Variants in DGKH observed in about 807,000 individuals in gnomAD.
DGKH encodes the protein DAG kinase eta.
Under a neutral mutation model 159.3 loss-of-function variants are expected in DGKH, and 90 were observed. The ratio of observed to expected loss-of-function variants is 0.57; its 90% CI spans 0.48 to 0.67. The LOEUF (loss-of-function observed/expected upper bound fraction) is 0.67. Ranked by LOEUF, DGKH falls within the 30% of genes least tolerant of loss-of-function variation. DGKH has a pLI of 0.00. For synonymous variants in DGKH, 536 were observed against 553.8 expected (o/e 0.97, Z 0.45); for missense variants, 1,181 against 1,506.1 (o/e 0.78, Z 3.57).
intron 25 of DGKH, 38 bp from the exon 26 acceptor site, chr13:42,215,537 A>T: frequency 6.8e-7 from 1 of 1,473,072 alleles, no homozygotes; most frequent in Non-Finnish European, 9.4e-7. Context: ...ATCCTATTTT[A>T]ATACAGATCA....
At chr13:42,128,541 G>A (rs1244484193) in intron 2 of DGKH, among the ~76,000 whole-genome samples, 1 of 152,102 alleles carries the variant, frequency 6.6e-6, no homozygotes, top group African/African-American at 2.4e-5. Flanking sequence ...TTGGGCTCAT[G>A]CTACCATCAC....
chr13:42,112,284 C>CTTTTT (rs58307947), intron 1 of DGKH, among the ~76,000 whole-genome samples: 1,362 of 122,792 alleles, frequency 0.011, 73 homozygotes, highest in Middle Eastern at 0.03. Flanking sequence ...AGCCTTGTGG[C>CTTTTT]TTTTTTTTTT....
chr13:42,254,872 C>T (rs1233202727), intron 30 of DGKH, among the ~76,000 whole-genome samples: 1 of 151,900 alleles, frequency 6.6e-6, no homozygotes, highest in Non-Finnish European at 1.5e-5. Flanking sequence ...AATGATTTTG[C>T]CATCTTTATG....
chr13:42,177,902 G>A (rs1305300272), intron 12 of DGKH, among the ~76,000 whole-genome samples: 5 of 152,030 alleles, frequency 3.3e-5, no homozygotes, highest in African/African-American at 1.2e-4. Flanking sequence ...AAAAAATTTT[G>A]TAAAGGAGTT....
intron 7 of DGKH, among the ~76,000 whole-genome samples, chr13:42,161,462 C>A (rs1014850423): frequency 6.6e-6 from 1 of 151,262 alleles, no homozygotes; most frequent in Non-Finnish European, 1.5e-5. Context: ...TCCTGGCTAA[C>A]ACAGTGAAAC....
chr13:42,118,180 G>A (rs1954999030), intron 1 of DGKH, among the ~76,000 whole-genome samples: 1 of 152,050 alleles, frequency 6.6e-6, no homozygotes, highest in African/African-American at 2.4e-5. Context: ...TCGCACCACT[G>A]CACTCCAGCC....
At chr13:42,256,474 T>C in exon 31 of DGKH, 3 of 1,318,134 alleles carry the variant, frequency 2.3e-6, no homozygotes, top group Non-Finnish European at 3.3e-6. Flanking sequence ...AACTTGGCTA[T>C]CTCACACCAG....
intron 1 of DGKH, chr13:42,070,160 G>T: frequency 2.2e-6 from 2 of 918,072 alleles, no homozygotes; most frequent in Non-Finnish European, 1.8e-6. Flanking sequence ...GGATGGGAGA[G>T]CGCTTCTTCT....
At chr13:42,045,339 T>C (rs573645058), upstream of DGKH, among the ~76,000 whole-genome samples, 1 of 152,328 alleles carries the variant, frequency 6.6e-6, no homozygotes, top group East Asian at 1.9e-4. Flanking sequence ...ATTTGCTTTA[T>C]TTTGAAATGG....
intron 1 of DGKH, among the ~76,000 whole-genome samples, chr13:42,080,305 ATACTTT>A (rs1954175835): frequency 6.6e-6 from 1 of 152,210 alleles, no homozygotes; most frequent in African/African-American, 2.4e-5. Context: ...GATTCACTCT[ATACTTT>A]ATGAGGTGCT....
intron 29 of DGKH, among the ~76,000 whole-genome samples, chr13:42,248,256 T>G (rs1386923799): frequency 6.6e-6 from 1 of 151,944 alleles, no homozygotes; most frequent in Non-Finnish European, 1.5e-5. Context: ...ACCCTGTGTC[T>G]ACCAAAAACA....
rs1485268753 is a variant in DGKH, at chr13:42,152,616, A to G, written c.385-2675A>G. Among the ~76,000 whole-genome samples, 6 of 130,246 alleles carry G rather than the reference A, an allele frequency of 4.6e-5. No individual in the cohort carries two copies. In the East Asian group the frequency reaches 9.9e-4, roughly 21 times the overall value. 85.4% of individuals were successfully genotyped at this position (130,246 alleles called of 152,430 possible). On this transcript the variant is annotated intron_variant, in intron 3 of 29. Coordinates refer to ENST00000337343, the MANE Select transcript of DGKH (RefSeq NM_178009.5). ...AAGTCCTTTGTCATGTCATTTTCCC[A>G]TGGAAGGCAGGGCAGAAGGGCACAG... is the stretch of plus-strand genomic sequence containing the variant.
Position 42,236,199 on chromosome 13 carries a change from TTGTG to T in DGKH, c.*7012_*7015del, listed in dbSNP as rs1382176389. The T allele has an allele frequency of 6.6e-6, 1 of 152,206 alleles. No homozygotes were observed. Among genetic ancestry groups the T allele is most frequent in the Non-Finnish European group, 1.5e-5 (1 of 68,040 alleles). 9.4% of individuals were successfully genotyped at this position (152,206 alleles called of 1,614,324 possible). On this transcript the variant is annotated 3_prime_UTR_variant, in exon 30 of 30. Transcript: ENST00000337343. ...TAAATCAGTGCATTTATTTATTATG[TTGTG>T]AAACTTAAGCTTTATATGAAATACA...
intron 1 of DGKH, among the ~76,000 whole-genome samples, chr13:42,123,396 ATGTTTTCC>A (rs1955111530): frequency 6.6e-6 from 1 of 152,228 alleles, no homozygotes; most frequent in Non-Finnish European, 1.5e-5. Flanking sequence ...TGTGCAAATA[ATGTTTTCC>A]CATAGAAGAT....
intron 1 of DGKH, among the ~76,000 whole-genome samples, chr13:42,040,789 G>A (rs898152010): frequency 3.4e-5 from 5 of 147,572 alleles, no homozygotes; most frequent in African/African-American, 1.2e-4. Flanking sequence ...GAGGGACCGC[G>A]GCGAGGGAAG....
intron 23 of DGKH, among the ~76,000 whole-genome samples, chr13:42,209,903 A>G (rs2138199991): frequency 6.6e-6 from 1 of 152,152 alleles, no homozygotes; most frequent in Non-Finnish European, 1.5e-5. Context: ...CCACTGCAGT[A>G]TCATACAAAA....
chr13:42,242,514 G>A lies in DGKH; in HGVS notation c.*13326G>A, dbSNP rs1594268811. The stretch of plus-strand genomic sequence containing the variant: ...TTTTAGTAATGGTAAGACAACGTGA[G>A]TTTTGTTTGTTTACATGCTGTTTAC... On this transcript the variant is annotated 3_prime_UTR_variant, in exon 30 of 30. Transcript: ENST00000337343. 3.9e-5 allele frequency: 6 copies of A among 152,264 alleles called. No individual in the cohort carries two copies. In the South Asian group the frequency reaches 1.2e-3, roughly 32 times the overall value. The allele number at this position is 152,264 out of a possible 1,614,324, so 9.4% of individuals were successfully genotyped here. A position where few individuals can be genotyped will look rare whatever the true frequency, so the allele number is the denominator to read the frequency against.
At chr13:42,146,902 T>G (rs1365846206) in intron 3 of DGKH, among the ~76,000 whole-genome samples, 1 of 152,208 alleles carries the variant, frequency 6.6e-6, no homozygotes, top group Non-Finnish European at 1.5e-5. Context: ...TTATTGCCTA[T>G]TCAGAATTTT....
At chr13:42,129,444 CT>C (rs987087034) in intron 2 of DGKH, 107 bp from the exon 3 acceptor site, 10 of 943,482 alleles carry the variant, frequency 1.1e-5, no homozygotes, top group Non-Finnish European at 1.4e-5. Context: ...ACCAACTTAA[CT>C]TTTTTCCCCC....
Sources: gnomAD v4.1 joint callset for allele counts (sites outside exome capture counted in the v4.1 genomes callset) on GRCh38, gnomAD v4.1.1 for gene constraint, MANE v1.5 for transcripts, NCBI Gene and HGNC (gene_info 2026-07-23, HGNC 2026-07-21) for gene names.